Variants in WWOX observed in about 807,000 individuals in gnomAD.
WWOX encodes WW domain containing oxidoreductase, also known as WW domain-containing oxidoreductase.
In WWOX, 69 loss-of-function variants were observed where a neutral mutation model predicts 46.2. The observed-to-expected ratio is 1.49, with a 90% CI of 1.23 to 1.82. WWOX has a LOEUF of 1.82. WWOX is among the 40% of genes most tolerant of loss of function. The probability of loss-of-function intolerance (pLI) is 0.00; values close to 1 mark genes in which losing one functional copy is unlikely to be tolerated. For synonymous variants in WWOX, 359 were observed against 202.6 expected (o/e 1.77, Z -6.56); for missense variants, 919 against 542.6 (o/e 1.69, Z -6.89).
intron 8 of WWOX, among the ~76,000 whole-genome samples, chr16:78,556,965 C>T (rs1597261764): frequency 1.3e-5 from 2 of 152,144 alleles, no homozygotes; most frequent in East Asian, 3.9e-4. Context: ...GTGATTCACC[C>T]ACCTCAGCCT....
At chr16:78,874,704 T>C in intron 8 of WWOX, among the ~76,000 whole-genome samples, 1 of 147,974 alleles carries the variant, frequency 6.8e-6, no homozygotes, top group East Asian at 2.0e-4. Context: ...TTTTTTTTTT[T>C]TTTGGCTGAC....
At chr16:78,675,907 A>T (rs113921136) in intron 8 of WWOX, among the ~76,000 whole-genome samples, 1 of 152,164 alleles carries the variant, frequency 6.6e-6, no homozygotes, top group Non-Finnish European at 1.5e-5. Context: ...TGGAAAATGT[A>T]AGAAGTCATA....
At chr16:78,274,773 G>A (rs1248441959) in intron 5 of WWOX, among the ~76,000 whole-genome samples, 3 of 152,134 alleles carry the variant, frequency 2.0e-5, no homozygotes, top group African/African-American at 7.2e-5. Flanking sequence ...CTCTAGACAT[G>A]GCCCCATCGT....
Position 78,665,232 on chromosome 16 carries a change from T to G in WWOX, c.1056+232480T>G, listed in dbSNP as rs563539552. Among the ~76,000 whole-genome samples, 9 of 152,306 alleles carry G rather than the reference T, an allele frequency of 5.9e-5. No homozygotes were observed. The East Asian group carries it at 1.7e-3, about 29-fold the overall frequency. ...CACGCGGGCTTCTGGAGTCACGGGC[T>G]GAATTCCGGCACTGCCACATCTTGC... On this transcript the variant is annotated intron_variant, in intron 8 of 8. Transcript: ENST00000566780.
At chr16:78,207,049 C>T (rs150198921) in intron 5 of WWOX, among the ~76,000 whole-genome samples, 17 of 152,252 alleles carry the variant, frequency 1.1e-4, no homozygotes, top group African/African-American at 4.1e-4. Flanking sequence ...AAGTAATTTT[C>T]CCAGGGCCAG....
intron 6 of WWOX, among the ~76,000 whole-genome samples, chr16:78,413,849 C>T (rs376555631): frequency 7.9e-5 from 12 of 152,036 alleles, no homozygotes; most frequent in African/African-American, 2.9e-4. Context: ...CTGGCTGGTG[C>T]AATGGCTTAC....
chr16:78,581,648 T>C (rs145492460), intron 8 of WWOX, among the ~76,000 whole-genome samples: 4 of 152,312 alleles, frequency 2.6e-5, no homozygotes, highest in East Asian at 3.9e-4. Flanking sequence ...CCCCTTTTCA[T>C]TGGGAATAAA....
chr16:78,956,107 C>G (rs746391319), intron 8 of WWOX, among the ~76,000 whole-genome samples: 2 of 152,144 alleles, frequency 1.3e-5, no homozygotes, highest in African/African-American at 2.4e-5. Context: ...GGCTCACTAT[C>G]TACATCCCCA....
At chr16:78,598,193 A>G (rs1034330926) in intron 8 of WWOX, among the ~76,000 whole-genome samples, 1 of 152,206 alleles carries the variant, frequency 6.6e-6, no homozygotes, top group African/African-American at 2.4e-5. Context: ...CATATTCTCA[A>G]GAAGAAATGA....
rs551036196 is a variant in WWOX at position 78,719,906 on chromosome 16, T to C, written c.1056+287154T>C. On this transcript the variant is annotated intron_variant, in intron 8 of 8. Transcript: ENST00000566780. The stretch of plus-strand genomic sequence containing the variant: ...TCTGCAAAATATTATTTGTTTCCCT[T>C]TGCAGTTTTATTCATTTTAAGCACG... 5.2e-4 allele frequency among the ~76,000 whole-genome samples: 79 copies of C among 152,300 alleles called. No individual in the cohort carries two copies. The South Asian group carries it at 0.014, about 28-fold the overall frequency.
rs551462241 is a variant in WWOX, at chr16:78,119,925, C to T, written c.409+4771C>T. On this transcript the variant is annotated intron_variant, in intron 4 of 8. Transcript: ENST00000566780. ...TCCAGATGAAGTTTCTTTCACCTTG[C>T]GAACCTTTAGAACGCTGGGCTGCAT... 2.8e-4 allele frequency among the ~76,000 whole-genome samples: 43 copies of T among 152,166 alleles called. 1 individual carries two copies. Among genetic ancestry groups the T allele is most frequent in the Admixed American group, 1.7e-3 (26 of 15,274 alleles).
At chr16:79,069,026 G>C (rs983772755) in intron 8 of WWOX, among the ~76,000 whole-genome samples, 10 of 152,094 alleles carry the variant, frequency 6.6e-5, no homozygotes, top group Admixed American at 1.3e-4. Flanking sequence ...TTATGTCTAA[G>C]TTTCCGACTT....
At chr16:78,338,923 C>T (rs12596835) in intron 5 of WWOX, among the ~76,000 whole-genome samples, 27,442 of 119,952 alleles carry the variant, frequency 0.23, 8,848 homozygotes, top group African/African-American at 0.38. Flanking sequence ...GCATCAACTT[C>T]TTCTTCATTT....
At chr16:78,691,662 G>A (rs1015704115) in intron 8 of WWOX, among the ~76,000 whole-genome samples, 4 of 152,110 alleles carry the variant, frequency 2.6e-5, no homozygotes, top group African/African-American at 9.7e-5. Flanking sequence ...GAGCCGTGTT[G>A]CTGCCACTGT....
At chr16:78,461,323 C>T (rs1432435153) in intron 8 of WWOX, among the ~76,000 whole-genome samples, 1 of 151,850 alleles carries the variant, frequency 6.6e-6, no homozygotes, top group Non-Finnish European at 1.5e-5. Flanking sequence ...GTCCGTTTTC[C>T]AAATGAGGAA....
intron 4 of WWOX, among the ~76,000 whole-genome samples, chr16:78,156,294 T>C (rs1471004540): frequency 1.3e-5 from 2 of 151,926 alleles, no homozygotes; most frequent in East Asian, 1.9e-4. Flanking sequence ...TAGCAGGACT[T>C]AACAGGTTTG....
At chr16:78,494,627 C>T (rs1294735503) in intron 8 of WWOX, among the ~76,000 whole-genome samples, 1 of 152,106 alleles carries the variant, frequency 6.6e-6, no homozygotes, top group Non-Finnish European at 1.5e-5. Context: ...CACACAGGTA[C>T]CTTGGAAAGA....
intron 8 of WWOX, among the ~76,000 whole-genome samples, chr16:79,026,050 C>G (rs2047634401): frequency 6.6e-6 from 1 of 151,740 alleles, no homozygotes; most frequent in South Asian, 2.1e-4. Flanking sequence ...ATCTGCCTGT[C>G]TTGGCCTCCC....
At chr16:78,575,028 T>C (rs868401698) in intron 8 of WWOX, among the ~76,000 whole-genome samples, 3 of 2,066 alleles carry the variant, frequency 1.5e-3, no homozygotes, top group African/African-American at 5.4e-3. Flanking sequence ...TATAAATATA[T>C]ATATATATAT....
Sources: gnomAD v4.1 joint callset for allele counts (sites outside exome capture counted in the v4.1 genomes callset) on GRCh38, gnomAD v4.1.1 for gene constraint, MANE v1.5 for transcripts, NCBI Gene and HGNC (gene_info 2026-07-23, HGNC 2026-07-21) for gene names.